The following GRM1 variants were observed in gnomAD, a reference collection of about 807,000 sequenced individuals.
The protein encoded by GRM1 is metabotropic glutamate receptor 1.
GRM1 carries 33 observed loss-of-function variants against 90.9 expected under a neutral mutation model. That is an observed-to-expected ratio of 0.36 (90% CI 0.28 to 0.49). GRM1 has a LOEUF of 0.49. Among genes scored for constraint, GRM1 ranks in the 20% least tolerant of loss-of-function variants. The probability of loss-of-function intolerance (pLI) is 0.99; values close to 1 mark genes in which losing one functional copy is unlikely to be tolerated. For missense variants in GRM1, 1,190 were observed against 1,534.3 expected (o/e 0.78, Z 3.75); for synonymous variants, 700 against 613.2 (o/e 1.14, Z -2.09).
chr6:146,371,705 G>A (rs1775909452), intron 5 of GRM1, among the ~76,000 whole-genome samples: 1 of 151,986 alleles, frequency 6.6e-6, no homozygotes, highest in Non-Finnish European at 1.5e-5. Context: ...AGATAAGTGG[G>A]AATATGTGAT....
intron 7 of GRM1, among the ~76,000 whole-genome samples, chr6:146,432,610 A>T (rs1778455949): frequency 6.6e-6 from 1 of 152,208 alleles, no homozygotes; most frequent in Non-Finnish European, 1.5e-5. Context: ...AATGTCATAA[A>T]TGTGTTACTA....
At chr6:146,149,300 A>G (rs1777228938) in intron 1 of GRM1, among the ~76,000 whole-genome samples, 1 of 152,192 alleles carries the variant, frequency 6.6e-6, no homozygotes, top group Non-Finnish European at 1.5e-5. Context: ...CATGGACACA[A>G]GGTGACCATG....
intron 2 of GRM1, among the ~76,000 whole-genome samples, chr6:146,168,094 C>A (rs529762569): frequency 8.3e-4 from 126 of 151,896 alleles, no homozygotes; most frequent in Middle Eastern, 6.9e-3. Context: ...ATATCCCAGT[C>A]GTTTGAGAAC....
intron 5 of GRM1, among the ~76,000 whole-genome samples, chr6:146,364,243 G>GT (rs1267470120): frequency 1.3e-5 from 2 of 152,158 alleles, no homozygotes; most frequent in Non-Finnish European, 2.9e-5. Context: ...TATAGAAATA[G>GT]TTTCTTTCTC....
chr6:146,170,608 G>T (rs572464705), intron 2 of GRM1, among the ~76,000 whole-genome samples: 1 of 151,864 alleles, frequency 6.6e-6, no homozygotes, highest in East Asian at 1.9e-4. Context: ...AATTAATTTT[G>T]GTCCTTGTTT....
At chr6:146,133,372 A>G (rs1297128292) in intron 1 of GRM1, among the ~76,000 whole-genome samples, 1 of 152,200 alleles carries the variant, frequency 6.6e-6, no homozygotes, top group African/African-American at 2.4e-5. Context: ...TTAGACACTA[A>G]CACATTCTCA....
At chr6:146,143,010 C>T (rs937668741) in intron 1 of GRM1, among the ~76,000 whole-genome samples, 4 of 152,064 alleles carry the variant, frequency 2.6e-5, no homozygotes, top group African/African-American at 9.7e-5. Flanking sequence ...GGGTCACACC[C>T]GAAGCCAGCA....
intron 3 of GRM1, among the ~76,000 whole-genome samples, chr6:146,323,907 T>C (rs571738660): frequency 2.1e-4 from 32 of 152,338 alleles, no homozygotes; most frequent in African/African-American, 7.5e-4. Flanking sequence ...GTTGTAGATA[T>C]GTGGCATTAT....
intron 2 of GRM1, among the ~76,000 whole-genome samples, chr6:146,282,875 G>A (rs1419720581): frequency 6.6e-6 from 1 of 152,142 alleles, no homozygotes; most frequent in Non-Finnish European, 1.5e-5. Flanking sequence ...GGATAACTGA[G>A]AAGAAATAAC....
At chr6:146,080,069 A>T (rs1246610202) in intron 1 of GRM1, among the ~76,000 whole-genome samples, 1 of 152,198 alleles carries the variant, frequency 6.6e-6, no homozygotes, top group African/African-American at 2.4e-5. Context: ...TAAAGTAGGT[A>T]AGTGTGAGAT....
At chr6:146,050,191 G>A (rs1791475469) in intron 1 of GRM1, among the ~76,000 whole-genome samples, 1 of 152,030 alleles carries the variant, frequency 6.6e-6, no homozygotes, top group Non-Finnish European at 1.5e-5. Flanking sequence ...CGACACACCT[G>A]TTCTTGTCAA....
intron 2 of GRM1, among the ~76,000 whole-genome samples, chr6:146,235,312 C>T (rs1158269468): frequency 6.6e-6 from 1 of 151,922 alleles, no homozygotes; most frequent in Non-Finnish European, 1.5e-5. Flanking sequence ...CTTTGTTCCT[C>T]TAGATGTAAT....
chr6:146,152,392 C>T (rs1007462301), intron 1 of GRM1, among the ~76,000 whole-genome samples: 7 of 151,542 alleles, frequency 4.6e-5, no homozygotes, highest in East Asian at 1.9e-4. Context: ...TCTAGGATGA[C>T]GGTAGTTTTT....
Position 146,435,218 on chromosome 6 carries a change from A to G in GRM1, c.*422A>G. ...CCCACGTGGACATGCCAGTCGGATC[A>G]TGAGTTCACCTGATGGCATTCGGAG... On this transcript the variant is annotated 3_prime_UTR_variant, in exon 8 of 8. Transcript: ENST00000282753. 3.0e-6 allele frequency: 1 copy of G among 332,020 alleles called. No homozygotes were observed. 20.6% of individuals were successfully genotyped at this position (332,020 alleles called of 1,614,324 possible). A position where few individuals can be genotyped will look rare whatever the true frequency, so the allele number is the denominator to read the frequency against.
intron 2 of GRM1, among the ~76,000 whole-genome samples, chr6:146,285,043 C>G (rs903988363): frequency 6.6e-6 from 1 of 152,174 alleles, no homozygotes; most frequent in Admixed American, 6.5e-5. Context: ...CTTCTTTCCT[C>G]CTTTCATACA....
intron 2 of GRM1, among the ~76,000 whole-genome samples, chr6:146,272,681 T>C (rs548590322): frequency 6.6e-6 from 1 of 152,262 alleles, no homozygotes; most frequent in African/African-American, 2.4e-5. Flanking sequence ...GATTGTTGGA[T>C]AGAATTGAGG....
In GRM1 at chr6:146,434,007, C is replaced by G. The variant is rs1583494731; in HGVS notation, c.2796C>G (p.Pro932=). The G allele has an allele frequency of 1.2e-6, 2 of 1,614,160 alleles. No homozygotes were observed. Among genetic ancestry groups the G allele is most frequent in the Non-Finnish European group, 1.7e-6 (2 of 1,180,022 alleles). The change falls in exon 8 of 8, where the codon CCC becomes CCG. Residue 932 remains proline (P), a synonymous_variant. Coordinates refer to ENST00000282753, the MANE Select transcript of GRM1 (RefSeq NM_001278064.2). ...TACNQTAVIK[P]LTKSYQGSGK... ...GCAACCAAACAGCCGTCATCAAGCC[C>G]CTCACTAAAAGTTACCAAGGCTCTG...
intron 2 of GRM1, among the ~76,000 whole-genome samples, chr6:146,216,887 C>T (rs1013395785): frequency 6.6e-6 from 1 of 152,102 alleles, no homozygotes; most frequent in Non-Finnish European, 1.5e-5. Context: ...ATCAAGGAGC[C>T]CAACTTGGTT....
chr6:146,213,738 G>A (rs555443022), intron 2 of GRM1, among the ~76,000 whole-genome samples: 15 of 143,212 alleles, frequency 1.0e-4, no homozygotes, highest in Admixed American at 6.9e-5. Flanking sequence ...ATAGATAGAT[G>A]GATGAAAGGA....
Sources: allele counts gnomAD v4.1 joint callset (sites outside exome capture counted in the v4.1 genomes callset), GRCh38; gene constraint gnomAD v4.1.1; transcripts MANE v1.5; gene names NCBI Gene and HGNC (gene_info 2026-07-23, HGNC 2026-07-21).